Variants in LY96 observed in about 807,000 individuals in gnomAD.
LY96 encodes lymphocyte antigen 96.
In LY96, 18 loss-of-function variants were observed where a neutral mutation model predicts 18.9. That is an observed-to-expected ratio of 0.95 (90% CI 0.66 to 1.41). The LOEUF (loss-of-function observed/expected upper bound fraction) is 1.41, where lower values mean the gene tolerates loss of function less well. LY96 is among the 40% of genes most tolerant of loss of function. The pLI is 0.00. For missense variants in LY96, 175 were observed against 182.4 expected (o/e 0.96, Z 0.23); for synonymous variants, 66 against 62.6 (o/e 1.06, Z -0.26).
the LY96 span, among the ~76,000 whole-genome samples, chr8:74,070,739 A>T: frequency 6.6e-5 from 10 of 152,186 alleles, no homozygotes; most frequent in African/African-American, 2.4e-4. Flanking sequence ...TGCTTTTTTA[A>T]AAAAAAATTA....
the LY96 span, among the ~76,000 whole-genome samples, chr8:74,069,194 A>G: frequency 6.6e-6 from 1 of 152,238 alleles, no homozygotes; most frequent in African/African-American, 2.4e-5. Flanking sequence ...ATGTCCCCTG[A>G]AAACCATAAG....
At chr8:74,037,495 C>T in the LY96 span, among the ~76,000 whole-genome samples, 2 of 151,858 alleles carry the variant, frequency 1.3e-5, no homozygotes, top group South Asian at 2.1e-4. Flanking sequence ...AGCCAAGCAT[C>T]GCAGCACCTG....
the LY96 span, among the ~76,000 whole-genome samples, chr8:74,090,606 G>A: frequency 6.6e-6 from 1 of 152,204 alleles, no homozygotes; most frequent in Non-Finnish European, 1.5e-5. Flanking sequence ...GCCTGAATAT[G>A]CTTAAATGGA....
At chr8:74,017,991 A>T (rs1816679636) in intron 3 of LY96, among the ~76,000 whole-genome samples, 1 of 152,224 alleles carries the variant, frequency 6.6e-6, no homozygotes, top group South Asian at 2.1e-4. Context: ...AAACTGCATA[A>T]ATTAACGAGC....
At chr8:74,078,676 G>C in the LY96 span, among the ~76,000 whole-genome samples, 1 of 152,154 alleles carries the variant, frequency 6.6e-6, no homozygotes, top group Non-Finnish European at 1.5e-5. Context: ...GTGTCTCCTG[G>C]AAATGCAAGC....
intron 3 of LY96, among the ~76,000 whole-genome samples, chr8:74,011,987 T>C (rs1407671335): frequency 6.6e-6 from 1 of 151,228 alleles, no homozygotes; most frequent in East Asian, 1.9e-4. Context: ...AAAGTTGCAA[T>C]GAGATATCAT....
intron 3 of LY96, among the ~76,000 whole-genome samples, chr8:74,022,692 C>T (rs960831895): frequency 6.6e-6 from 1 of 151,454 alleles, no homozygotes; most frequent in Admixed American, 6.6e-5. Context: ...GATTCTCCTG[C>T]CCCAGCCTCC....
chr8:74,092,607 C>T, the LY96 span, among the ~76,000 whole-genome samples: 2 of 152,154 alleles, frequency 1.3e-5, no homozygotes, highest in Non-Finnish European at 2.9e-5. Flanking sequence ...TGACCTCCTC[C>T]ATCCCTCTCT....
At chr8:74,071,868 C>T in the LY96 span, among the ~76,000 whole-genome samples, 3 of 152,116 alleles carry the variant, frequency 2.0e-5, no homozygotes, top group African/African-American at 4.8e-5. Context: ...TCTGCAATAT[C>T]GTGTTGCATT....
At chr8:74,081,496 C>A in the LY96 span, among the ~76,000 whole-genome samples, 1 of 151,506 alleles carries the variant, frequency 6.6e-6, no homozygotes. Context: ...TGGGCTCAAG[C>A]TATCCATCTG....
chr8:74,084,760 C>A, the LY96 span, among the ~76,000 whole-genome samples: 2 of 152,170 alleles, frequency 1.3e-5, no homozygotes, highest in African/African-American at 2.4e-5. Context: ...ATTACAGGCG[C>A]CTGCCACCAC....
At chr8:73,996,471 G>C (rs1418172837) in intron 1 of LY96, among the ~76,000 whole-genome samples, 1 of 146,418 alleles carries the variant, frequency 6.8e-6, no homozygotes, top group African/African-American at 2.5e-5. Context: ...GTGTCACTGA[G>C]GCTGGAGTGC....
rs1341177358 is a variant in LY96 at position 73,996,388 on chromosome 8, T to C, written c.112+4834T>C. ...TCCTTCATTCCTTTCTTTCTTTCTT[T>C]CTTTCTTTCTTTCTTTCTTTCTTTC... On this transcript the variant is annotated intron_variant, in intron 1 of 4. Coordinates refer to ENST00000284818, the MANE Select transcript of LY96 (RefSeq NM_015364.5). Among the ~76,000 whole-genome samples the C allele has an allele frequency of 4.5e-3, 176 of 39,258 alleles. 1 individual carries two copies. The highest frequency in any genetic ancestry group is 9.4e-3 in the South Asian group (9 of 962). The allele number at this position is 39,258 out of a possible 152,430, so 25.8% of individuals were successfully genotyped here. A position where few individuals can be genotyped will look rare whatever the true frequency, so the allele number is the denominator to read the frequency against.
At chr8:74,081,154 TTTCTTTCTTTCC>T in the LY96 span, among the ~76,000 whole-genome samples, 2 of 140,018 alleles carry the variant, frequency 1.4e-5, no homozygotes, top group East Asian at 2.2e-4. Context: ...TCTTTCTTTC[TTTCTTTCTTTCC>T]TTCTTTCTTT....
chr8:74,047,373 T>A, the LY96 span, among the ~76,000 whole-genome samples: 40,602 of 152,062 alleles, frequency 0.27, 6,582 homozygotes, highest in African/African-American at 0.46. Context: ...TCTGTTTCTC[T>A]CACTGTGCTT....
chr8:74,091,310 G>A, the LY96 span, among the ~76,000 whole-genome samples: 2 of 152,168 alleles, frequency 1.3e-5, no homozygotes, highest in Admixed American at 6.5e-5. Flanking sequence ...GCATCTCTTG[G>A]AACCCTGCAG....
At chr8:74,014,381 A>T (rs1441938252) in intron 3 of LY96, among the ~76,000 whole-genome samples, 5 of 127,102 alleles carry the variant, frequency 3.9e-5, no homozygotes, top group Admixed American at 7.6e-5. Flanking sequence ...TCCCTGACTT[A>T]AAAAAAAAAA....
At chr8:74,007,719 G>A (rs561775238) in intron 2 of LY96, among the ~76,000 whole-genome samples, 4 of 152,248 alleles carry the variant, frequency 2.6e-5, no homozygotes, top group African/African-American at 9.6e-5. Flanking sequence ...TCTTTGGTAA[G>A]CTAAAAAATA....
the LY96 span, among the ~76,000 whole-genome samples, chr8:74,070,026 G>T: frequency 6.6e-6 from 1 of 152,022 alleles, no homozygotes; most frequent in African/African-American, 2.4e-5. Flanking sequence ...GGGCTGGCTG[G>T]CTCTCCTGAA....
Sources: allele counts gnomAD v4.1 joint callset (sites outside exome capture counted in the v4.1 genomes callset), GRCh38; gene constraint gnomAD v4.1.1; transcripts MANE v1.5; gene names NCBI Gene and HGNC (gene_info 2026-07-23, HGNC 2026-07-21).